Variants in ST6GALNAC6 observed in about 807,000 individuals in gnomAD.
The protein encoded by ST6GALNAC6 is ST6 N-acetylgalactosaminide alpha-2,6-sialyltransferase 6.
ST6GALNAC6 carries 19 observed loss-of-function variants against 34.3 expected under a neutral mutation model. That is an observed-to-expected ratio of 0.55 (90% CI 0.39 to 0.81). ST6GALNAC6 has a LOEUF of 0.81. Among genes scored for constraint, ST6GALNAC6 ranks in the 40% least tolerant of loss-of-function variants. The pLI is 0.00. For missense variants in ST6GALNAC6, 377 were observed against 467.7 expected, an observed-to-expected ratio of 0.81 and a Z score of 1.79; for synonymous variants, 185 against 182.1, an observed-to-expected ratio of 1.02 and a Z score of -0.13.
chr9:127,893,875 A>T (rs1830290930), intron 4 of ST6GALNAC6, among the ~76,000 whole-genome samples: 1 of 152,236 alleles, frequency 6.6e-6, no homozygotes. Flanking sequence ...AGAAAGAGGT[A>T]CTACAGGGTG....
In ST6GALNAC6 at chr9:127,886,456, GGAGGATACAT is replaced by G; in HGVS notation, c.*133_*142del. Reference sequence around the variant, plus strand: ...CAGATTCCCCAGGCCCTGATTGGCTGGAGGATACATCCTCCTCAAGGCCCTGATTGGCTGG... The same window carrying G: ...CAGATTCCCCAGGCCCTGATTGGCTGCCTCCTCAAGGCCCTGATTGGCTGG... On this transcript the variant is annotated 3_prime_UTR_variant, in exon 7 of 7. Coordinates refer to ENST00000373146, the MANE Select transcript of ST6GALNAC6 (RefSeq NM_013443.5). The G allele has an allele frequency of 1.4e-6, 2 of 1,450,916 alleles. No individual in the cohort carries two copies. Among genetic ancestry groups the G allele is most frequent in the Non-Finnish European group, 1.8e-6 (2 of 1,102,076 alleles). The allele number at this position is 1,450,916 out of a possible 1,614,324, so 89.9% of individuals were successfully genotyped here.
chr9:127,899,752 GC>G (rs1272223969), upstream of ST6GALNAC6: 1 of 731,244 alleles, frequency 1.4e-6, no homozygotes, highest in African/African-American at 1.9e-5. Flanking sequence ...GGGTGCCGCC[GC>G]CTGGTGAGCG....
upstream of ST6GALNAC6, among the ~76,000 whole-genome samples, chr9:127,901,344 A>C (rs534811880): frequency 4.1e-4 from 62 of 152,304 alleles, no homozygotes; most frequent in African/African-American, 1.5e-3. Context: ...TAATCCCAGC[A>C]CTTTGGGAGG....
chr9:127,899,678 C>CG (rs1005467967), upstream of ST6GALNAC6: 11 of 983,954 alleles, frequency 1.1e-5, no homozygotes, highest in African/African-American at 1.6e-4. Context: ...GGCGGAGCCT[C>CG]GGGGCCGCGG....
At chr9:127,894,725 G>C in intron 3 of ST6GALNAC6, 34 bp from the exon 4 acceptor site, 7 of 1,528,246 alleles carry the variant, frequency 4.6e-6, no homozygotes, top group Non-Finnish European at 4.4e-6. Context: ...GGGCCCAGCT[G>C]CCGGGCAGGC....
rs1230928733 is a variant in ST6GALNAC6 at position 127,886,623 on chromosome 9, G to A, written c.978C>T (p.Thr326=). 1 of 1,613,870 alleles carries A rather than the reference G, an allele frequency of 6.2e-7. No homozygotes were observed. The highest frequency in any genetic ancestry group is 1.7e-5 in the Admixed American group (1 of 59,976). The change falls in exon 7 of 7, where the codon ACC becomes ACT. Residue 326 remains threonine (T), a synonymous_variant. Coordinates refer to ENST00000373146, the MANE Select transcript of ST6GALNAC6 (RefSeq NM_013443.5). ...CCTAGGTCCAGGAGGGGTGGGAGAAGGTGATGCCATACAGCTGGGCCCACG... is the reference window on the plus strand; with the variant it reads ...CCTAGGTCCAGGAGGGGTGGGAGAAAGTGATGCCATACAGCTGGGCCCACG... ...FSSWAQLYGI[T]FSHPSWT is the part of the protein sequence containing the mutation.
At chr9:127,902,652 G>A (rs1405325603), upstream of ST6GALNAC6, among the ~76,000 whole-genome samples, 1 of 147,348 alleles carries the variant, frequency 6.8e-6, no homozygotes, top group Non-Finnish European at 1.5e-5. Context: ...GCAATGGCGC[G>A]ATCTCGGCTC....
upstream of ST6GALNAC6, among the ~76,000 whole-genome samples, chr9:127,901,318 C>T (rs971954365): frequency 2.6e-5 from 4 of 152,126 alleles, no homozygotes; most frequent in South Asian, 2.1e-4. Flanking sequence ...GGGCCGGGCG[C>T]GGTGGCTCAT....
chr9:127,887,817 A>G (rs1829875352), intron 5 of ST6GALNAC6, among the ~76,000 whole-genome samples: 1 of 152,228 alleles, frequency 6.6e-6, no homozygotes, highest in African/African-American at 2.4e-5. Context: ...TTTGAGGGGA[A>G]GAATGGGAAC....
In ST6GALNAC6 at chr9:127,896,267, C is replaced by A. The variant is rs373832859; in HGVS notation, c.92G>T (p.Arg31Leu). 144 of 1,613,970 alleles carry A rather than the reference C, an allele frequency of 8.9e-5. No individual in the cohort carries two copies. The highest frequency in any genetic ancestry group is 1.1e-4 in the Non-Finnish European group (128 of 1,179,994). ...TTTGTTGCTACTCATTTCTCTCCGG[C>A]GTCTGCTGAGGGGTAGGTGTCGGCG... Reference protein sequence around the residue: ...AGRRHLPLSRRRREMSSNKEQ... With the variant: ...AGRRHLPLSRLRREMSSNKEQ... The change falls in exon 3 of 7, where the codon CGC becomes CTC. Residue 31 changes from arginine to leucine, a missense_variant. Transcript: ENST00000373146.
Position 127,886,518 on chromosome 9 carries a change from C to T in ST6GALNAC6, c.*81G>A, listed in dbSNP as rs1200424415. The T allele has an allele frequency of 1.3e-6, 2 of 1,563,462 alleles. No individual in the cohort carries two copies. Among genetic ancestry groups the T allele is most frequent in the Non-Finnish European group, 1.7e-6 (2 of 1,155,058 alleles). ...AGACACTCCAGCAAGCCTTGATTGG[C>T]CAGAAGATGGTCCCTGGCCTAGCGG... is the stretch of plus-strand genomic sequence containing the variant. On this transcript the variant is annotated 3_prime_UTR_variant, in exon 7 of 7. Transcript: ENST00000373146.
In ST6GALNAC6 at chr9:127,896,927, G is replaced by T. The variant is rs545998952; in HGVS notation, c.27-595C>A. The T allele has an allele frequency of 1.1e-5, 11 of 985,288 alleles. No individual in the cohort carries two copies. In the East Asian group the frequency reaches 1.0e-3, roughly 91 times the overall value. 61.0% of individuals were successfully genotyped at this position (985,288 alleles called of 1,614,324 possible). ...TGCCTCCACAGCCACGGAGATTCAG[G>T]AATATCGCTGAATGAATTAGTGCAT... is the stretch of plus-strand genomic sequence containing the variant. On this transcript the variant is annotated intron_variant, in intron 2 of 6. Coordinates refer to ENST00000373146, the MANE Select transcript of ST6GALNAC6 (RefSeq NM_013443.5).
chr9:127,892,201 T>C (rs1189407933), intron 4 of ST6GALNAC6, among the ~76,000 whole-genome samples: 4 of 152,152 alleles, frequency 2.6e-5, no homozygotes, highest in African/African-American at 9.7e-5. Context: ...GAATCTAACA[T>C]AACTGACTCC....
chr9:127,900,782 TC>T (rs1249298611), upstream of ST6GALNAC6, among the ~76,000 whole-genome samples: 2 of 134,724 alleles, frequency 1.5e-5, no homozygotes, highest in Non-Finnish European at 3.2e-5. Context: ...TGAAACCCCC[TC>T]CCCCAACCCC....
In ST6GALNAC6 at chr9:127,898,650, G is replaced by A. The variant is rs113588765; in HGVS notation, c.-29-640C>T. ...GCAATGCATGGTAGGAGCTCTTGTT[G>A]CCCATTTTACAGATAAGGAGACTGA... On this transcript the variant is annotated intron_variant, in intron 1 of 6. Transcript: ENST00000373146. 2.7e-3 allele frequency among the ~76,000 whole-genome samples: 410 copies of A among 152,364 alleles called. 2 individuals are homozygous for A. Among genetic ancestry groups the A allele is most frequent in the African/African-American group, 9.5e-3 (394 of 41,590 alleles).
At chr9:127,889,912 TA>T in intron 5 of ST6GALNAC6, among the ~76,000 whole-genome samples, 1 of 152,326 alleles carries the variant, frequency 6.6e-6, no homozygotes, top group African/African-American at 2.4e-5. Context: ...AAAAATATAT[TA>T]AAGTTGCTTT....
rs1378610348 is a variant in ST6GALNAC6, at chr9:127,890,618, G to C, written c.704+19C>G. The C allele has an allele frequency of 6.2e-7, 1 of 1,612,902 alleles. No homozygotes were observed. Among genetic ancestry groups the C allele is most frequent in the Admixed American group, 1.7e-5 (1 of 60,006 alleles). ...AGGAGCACAGTGCTGGCCAGAGGGG[G>C]CAGGCAGGAGGCTGGTACCTGTCCT... On this transcript the variant is annotated intron_variant, in intron 5 of 6. Coordinates refer to ENST00000373146, the MANE Select transcript of ST6GALNAC6 (RefSeq NM_013443.5). The surrounding 1 kb of genome is among the most constrained non-coding windows in gnomAD (Gnocchi z 4.3).
At chr9:127,896,015 G>GA (rs1162289656) in intron 3 of ST6GALNAC6, among the ~76,000 whole-genome samples, 1 of 152,214 alleles carries the variant, frequency 6.6e-6, no homozygotes, top group Non-Finnish European at 1.5e-5. Flanking sequence ...TCAGGCCTGG[G>GA]AAGGCAGAGC....
rs2131447210 is a variant in ST6GALNAC6 at position 127,886,102 on chromosome 9, A to C, written c.*497T>G. The stretch of plus-strand genomic sequence containing the variant: ...TCTGGGACCTCCCCACCGCCCCCAC[A>C]ACCTCCACAACCCCACAAATTCTCT... On this transcript the variant is annotated 3_prime_UTR_variant, in exon 7 of 7. Coordinates refer to ENST00000373146, the MANE Select transcript of ST6GALNAC6 (RefSeq NM_013443.5). The C allele has an allele frequency of 2.4e-5, 4 of 168,464 alleles. No individual in the cohort carries two copies. The highest frequency in any genetic ancestry group is 5.1e-5 in the Non-Finnish European group (4 of 79,068). The allele number at this position is 168,464 out of a possible 1,614,324, so 10.4% of individuals were successfully genotyped here. A position where few individuals can be genotyped will look rare whatever the true frequency, so the allele number is the denominator to read the frequency against.
Sources: gnomAD v4.1 joint callset for allele counts (sites outside exome capture counted in the v4.1 genomes callset) on GRCh38, gnomAD v4.1.1 for gene constraint, Gnocchi (gnomAD v3.1) non-coding constraint, MANE v1.5 for transcripts, NCBI Gene and HGNC (gene_info 2026-07-23, HGNC 2026-07-21) for gene names.